The following NAV2 variants were observed in gnomAD, a reference collection of about 807,000 sequenced individuals.
The protein encoded by NAV2 is helicase, APC down-regulated 1.
In NAV2, 54 loss-of-function variants were observed where a neutral mutation model predicts 223.2. The observed-to-expected ratio is 0.24, with a 90% CI of 0.19 to 0.30. The LOEUF (loss-of-function observed/expected upper bound fraction) is 0.30, where lower values mean the gene tolerates loss of function less well. Among genes scored for constraint, NAV2 ranks in the 10% least tolerant of loss-of-function variants. NAV2 has a pLI of 1.00. For missense variants in NAV2, 2,806 were observed against 3,147.5 expected (o/e 0.89, Z 2.60); for synonymous variants, 1,279 against 1,239.3 (o/e 1.03, Z -0.67).
At chr11:19,793,217 AAAAAAAAAAAAAGAAAG>A in intron 1 of NAV2, among the ~76,000 whole-genome samples, 1 of 144,732 alleles carries the variant, frequency 6.9e-6, no homozygotes, top group African/African-American at 2.6e-5. Context: ...AAAAAAAAAA[AAAAAAAAAAAAAGAAAG>A]AAAGAAAGAA....
intron 1 of NAV2, among the ~76,000 whole-genome samples, chr11:19,386,965 C>T (rs1849066933): frequency 1.3e-5 from 2 of 152,104 alleles, no homozygotes; most frequent in African/African-American, 4.8e-5. Flanking sequence ...CTGGGAGCTG[C>T]TTATCAAGGC....
At chr11:19,889,625 T>G (rs1217113317) in intron 5 of NAV2, among the ~76,000 whole-genome samples, 2 of 152,310 alleles carry the variant, frequency 1.3e-5, no homozygotes, top group African/African-American at 4.8e-5. Flanking sequence ...GCTGCAGCCA[T>G]TTGAACGATG....
chr11:19,585,019 T>C (rs2045848072), intron 1 of NAV2, among the ~76,000 whole-genome samples: 1 of 152,186 alleles, frequency 6.6e-6, no homozygotes, highest in Admixed American at 6.5e-5. Context: ...AGTCTAAGTC[T>C]CTTTGTAGGT....
chr11:19,357,503 C>A (rs1853685874), intron 1 of NAV2, among the ~76,000 whole-genome samples: 3 of 152,056 alleles, frequency 2.0e-5, no homozygotes, highest in South Asian at 4.2e-4. Flanking sequence ...GTACTTAGCA[C>A]ATAAGTATTA....
At chr11:19,442,343 T>C (rs1356780926) in intron 1 of NAV2, among the ~76,000 whole-genome samples, 1 of 152,266 alleles carries the variant, frequency 6.6e-6, no homozygotes, top group Non-Finnish European at 1.5e-5. Flanking sequence ...CGCTCCTATC[T>C]GGTTTTTGCT....
chr11:19,953,410 T>G (rs1189316479), intron 10 of NAV2, among the ~76,000 whole-genome samples: 1 of 152,188 alleles, frequency 6.6e-6, no homozygotes, highest in Non-Finnish European at 1.5e-5. Context: ...TGCTCTAGGC[T>G]ACCTGCCACC....
chr11:19,484,853 C>A (rs988022966), intron 1 of NAV2, among the ~76,000 whole-genome samples: 1 of 152,210 alleles, frequency 6.6e-6, no homozygotes, highest in Non-Finnish European at 1.5e-5. Context: ...CTGGCTTTAA[C>A]CTGCCTGCTT....
Position 19,956,280 on chromosome 11 carries a change from A to G in NAV2, c.2645+7200A>G, listed in dbSNP as rs569235493. Among the ~76,000 whole-genome samples, 3 of 152,206 alleles carry G rather than the reference A, an allele frequency of 2.0e-5. No homozygotes were observed. In the East Asian group the frequency reaches 5.8e-4, roughly 29 times the overall value. ...GCTGAACATCCTATAATTCAATTCA[A>G]TTCGGACACAATCTACCTAGAGTTA... is the stretch of plus-strand genomic sequence containing the variant. On this transcript the variant is annotated intron_variant, in intron 10 of 37. Transcript: ENST00000349880.
intron 1 of NAV2, among the ~76,000 whole-genome samples, chr11:19,749,371 G>T (rs1220680829): frequency 6.6e-6 from 1 of 152,138 alleles, no homozygotes; most frequent in Non-Finnish European, 1.5e-5. Context: ...CTGCTGCAAC[G>T]TTGTTCCCAA....
intron 1 of NAV2, chr11:19,505,762 G>A (rs1337356587): frequency 6.6e-6 from 1 of 152,188 alleles, no homozygotes; most frequent in Admixed American, 6.5e-5. Context: ...TGAGTGGGAA[G>A]GCTGCCCTTC....
chr11:19,851,140 G>C (rs1179714545), intron 3 of NAV2, among the ~76,000 whole-genome samples: 1 of 152,152 alleles, frequency 6.6e-6, no homozygotes, highest in African/African-American at 2.4e-5. Context: ...AATTGTGATT[G>C]CCATTTTATA....
intron 1 of NAV2, among the ~76,000 whole-genome samples, chr11:19,383,422 C>T (rs1848919284): frequency 6.6e-6 from 1 of 152,206 alleles, no homozygotes; most frequent in African/African-American, 2.4e-5. Context: ...AGCAAGAGAT[C>T]ATCTTTTATT....
chr11:20,037,578 AAC>A (rs1267011279), intron 12 of NAV2, among the ~76,000 whole-genome samples: 2 of 152,190 alleles, frequency 1.3e-5, no homozygotes, highest in African/African-American at 4.8e-5. Context: ...AAGAAACAAA[AAC>A]TACCCATATG....
chr11:19,712,220 T>C (rs1186216164), upstream of NAV2: 1 of 152,198 alleles, frequency 6.6e-6, no homozygotes, highest in Non-Finnish European at 1.5e-5. Flanking sequence ...GAGTCTGTGG[T>C]AGGTTGCGTG....
intron 1 of NAV2, among the ~76,000 whole-genome samples, chr11:19,560,690 A>C (rs1431124640): frequency 6.6e-6 from 1 of 152,260 alleles, no homozygotes; most frequent in African/African-American, 2.4e-5. Context: ...ATAATTAGCT[A>C]TATGGCCTTA....
chr11:19,778,229 G>GC (rs2056442388), intron 1 of NAV2: 1 of 412,560 alleles, frequency 2.4e-6, no homozygotes, highest in Non-Finnish European at 4.8e-6. Context: ...TTTGTGAATT[G>GC]TTTTTTTATC....
chr11:19,769,618 T>C lies in NAV2; in HGVS notation c.267+55656T>C, dbSNP rs898441522. Among the ~76,000 whole-genome samples, 4 of 152,288 alleles carry C rather than the reference T, an allele frequency of 2.6e-5. No individual in the cohort carries two copies. In the South Asian group the frequency reaches 6.2e-4, roughly 24 times the overall value. On this transcript the variant is annotated intron_variant, in intron 1 of 37. Transcript: ENST00000349880. ...GTGAAGGAGGAAGCCCTGGAGTAGA[T>C]TGTGTCCACCGTTGTGTATGTGTGC...
At chr11:19,833,759 C>A (rs1244408361) in intron 2 of NAV2, among the ~76,000 whole-genome samples, 1 of 152,160 alleles carries the variant, frequency 6.6e-6, no homozygotes, top group East Asian at 1.9e-4. Context: ...GGAGGCTTAA[C>A]TGGGGAAGGG....
intron 1 of NAV2, among the ~76,000 whole-genome samples, chr11:19,551,501 C>T (rs1470826927): frequency 6.6e-6 from 1 of 152,194 alleles, no homozygotes; most frequent in South Asian, 2.1e-4. Context: ...CCCTGATCCA[C>T]TTGCACCCCT....
Sources: allele counts gnomAD v4.1 joint callset (sites outside exome capture counted in the v4.1 genomes callset), GRCh38; gene constraint gnomAD v4.1.1; transcripts MANE v1.5; gene names NCBI Gene and HGNC (gene_info 2026-07-23, HGNC 2026-07-21).